TRDMT1: variants seen among roughly 807,000 people sequenced by gnomAD.
The protein encoded by TRDMT1 is tRNA aspartic acid methyltransferase 1.
In TRDMT1, 49 loss-of-function variants were observed where a neutral mutation model predicts 51.2. That is an observed-to-expected ratio of 0.96 (90% CI 0.76 to 1.21). The LOEUF (loss-of-function observed/expected upper bound fraction) is 1.21. TRDMT1 is among the 50% of genes most tolerant of loss of function. TRDMT1 has a pLI of 0.00. For synonymous variants in TRDMT1, 187 were observed against 164.6 expected (o/e 1.14, Z -1.04); for missense variants, 534 against 462.3 (o/e 1.16, Z -1.42).
chr10:17,150,592 T>C lies in TRDMT1; in HGVS notation c.1076-1452A>G, dbSNP rs1398077414. ...GCAGGATTCCACATTCAGCATACTCTAGCATAGCAAGGAAATAAAGGAAAA... is the reference window on the plus strand; with the variant it reads ...GCAGGATTCCACATTCAGCATACTCCAGCATAGCAAGGAAATAAAGGAAAA... On this transcript the variant is annotated intron_variant, in intron 10 of 10. Coordinates refer to ENST00000377799, the MANE Select transcript of TRDMT1 (RefSeq NM_004412.7). 1.7e-5 allele frequency: 17 copies of C among 985,096 alleles called. No individual in the cohort carries two copies. In the Admixed American group the frequency reaches 1.8e-4, roughly 11 times the overall value. 61.0% of individuals were successfully genotyped at this position (985,096 alleles called of 1,614,324 possible).
intron 1 of TRDMT1, among the ~76,000 whole-genome samples, chr10:17,194,949 C>CAAA (rs1157484978): frequency 3.5e-5 from 3 of 85,286 alleles, no homozygotes; most frequent in African/African-American, 7.4e-5. Context: ...AAAAAAAAGT[C>CAAA]AAAAAAAAAA....
At chr10:17,171,019 G>T (rs544970420) in intron 2 of TRDMT1, among the ~76,000 whole-genome samples, 5 of 151,808 alleles carry the variant, frequency 3.3e-5, no homozygotes, top group Non-Finnish European at 4.4e-5. Flanking sequence ...ACTATATCAA[G>T]TCATAGTGCT....
At chr10:17,192,560 T>G (rs557485676) in intron 1 of TRDMT1, among the ~76,000 whole-genome samples, 144 of 152,344 alleles carry the variant, frequency 9.5e-4, no homozygotes, top group African/African-American at 3.2e-3. Flanking sequence ...TAAGGAGCAC[T>G]GTTTTCACAA....
intron 2 of TRDMT1, among the ~76,000 whole-genome samples, chr10:17,170,526 A>C (rs1841819328): frequency 6.6e-6 from 1 of 152,160 alleles, no homozygotes; most frequent in Admixed American, 6.5e-5. Context: ...TGCCTGCCTT[A>C]TTGCCTATTT....
At chr10:17,188,240 C>G (rs185342348) in intron 1 of TRDMT1, among the ~76,000 whole-genome samples, 92 of 152,014 alleles carry the variant, frequency 6.1e-4, no homozygotes, top group African/African-American at 2.0e-3. Context: ...TCTTTAGGAT[C>G]TGTTATGAAT....
Position 17,148,154 on chromosome 10 carries a change from T to C in TRDMT1, c.*886A>G, listed in dbSNP as rs752198284. 40 of 985,334 alleles carry C rather than the reference T, an allele frequency of 4.1e-5. No homozygotes were observed. The highest frequency in any genetic ancestry group is 4.7e-5 in the Non-Finnish European group (39 of 829,938). The allele number at this position is 985,334 out of a possible 1,614,324, so 61.0% of individuals were successfully genotyped here. ...TGCTGAGGAAGAGAGACAGAGAAAG[T>C]TAAAAGTCATAAAAGTTCATTGAGA... On this transcript the variant is annotated 3_prime_UTR_variant, in exon 11 of 11. Transcript: ENST00000377799.
chr10:17,187,570 T>C (rs1339220487), intron 1 of TRDMT1, among the ~76,000 whole-genome samples: 1 of 151,992 alleles, frequency 6.6e-6, no homozygotes, highest in African/African-American at 2.4e-5. Flanking sequence ...TAGAACAAAA[T>C]GCAACAAAAA....
intron 4 of TRDMT1, 55 bp downstream of exon 4, chr10:17,162,111 C>T: frequency 6.8e-7 from 1 of 1,471,344 alleles, no homozygotes; most frequent in Non-Finnish European, 9.4e-7. Context: ...TCACATTCTT[C>T]CAGACCTGGA....
At position 17,142,813 on chromosome 10, in the gene TRDMT1, C is replaced by CTTGG. The variant is rs989953416; in HGVS notation, c.*6223_*6226dup. The CTTGG allele has an allele frequency of 2.0e-4, 46 of 235,494 alleles. No individual in the cohort carries two copies. The highest frequency in any genetic ancestry group is 1.0e-3 in the African/African-American group (45 of 43,022). The allele number at this position is 235,494 out of a possible 1,614,324, so 14.6% of individuals were successfully genotyped here. A position where few individuals can be genotyped will look rare whatever the true frequency, so the allele number is the denominator to read the frequency against. On this transcript the variant is annotated 3_prime_UTR_variant, in exon 11 of 11. Coordinates refer to ENST00000377799, the MANE Select transcript of TRDMT1 (RefSeq NM_004412.7). ...CTTGGAACCATGTTGTTCCTCTAGT[C>CTTGG]TTGGGGTCCCTCCGCAGTGTGTCTT... is the stretch of plus-strand genomic sequence containing the variant.
At chr10:17,194,656 GGCGTGATGGCTCATGCC>G (rs753065625) in intron 1 of TRDMT1, among the ~76,000 whole-genome samples, 83 of 152,256 alleles carry the variant, frequency 5.5e-4, no homozygotes, top group Non-Finnish European at 1.0e-3. Flanking sequence ...TAAAAAGCTA[GGCGTGATGGCTCATGCC>G]TGTAATCCCA....
chr10:17,191,929 A>G (rs1844739598), intron 1 of TRDMT1, among the ~76,000 whole-genome samples: 1 of 152,138 alleles, frequency 6.6e-6, no homozygotes, highest in Admixed American at 6.6e-5. Context: ...GAGTCCAGGT[A>G]CAGGGGTCGA....
chr10:17,192,826 G>A (rs1844877613), intron 1 of TRDMT1, among the ~76,000 whole-genome samples: 1 of 152,030 alleles, frequency 6.6e-6, no homozygotes, highest in Non-Finnish European at 1.5e-5. Context: ...CAAAAGATGT[G>A]GAAAAAGCTT....
intron 3 of TRDMT1, among the ~76,000 whole-genome samples, chr10:17,168,394 T>A (rs1841499019): frequency 6.6e-6 from 1 of 152,194 alleles, no homozygotes; most frequent in Admixed American, 6.5e-5. Context: ...ATGCAGCTAA[T>A]AAACTTCAGA....
chr10:17,185,705 C>T, intron 1 of TRDMT1, among the ~76,000 whole-genome samples: 1 of 152,174 alleles, frequency 6.6e-6, no homozygotes, highest in East Asian at 1.9e-4. Context: ...GGCACATATA[C>T]ACCACGGAAT....
chr10:17,193,348 G>C (rs563061168), intron 1 of TRDMT1, among the ~76,000 whole-genome samples: 1 of 151,840 alleles, frequency 6.6e-6, no homozygotes, highest in Admixed American at 6.6e-5. Context: ...GGGTGACAGA[G>C]TGAGAAGACG....
chr10:17,162,093 G>T, intron 4 of TRDMT1, 73 bp downstream of exon 4: 2 of 1,352,014 alleles, frequency 1.5e-6, no homozygotes, highest in South Asian at 2.5e-5. Context: ...TCTACAAAAT[G>T]ACAAACGTCA....
rs1837461077 is a variant in TRDMT1 at position 17,137,811 on chromosome 10, C to T, written c.*11229G>A. Among the ~76,000 whole-genome samples the T allele has an allele frequency of 6.9e-6, 1 of 144,004 alleles. No homozygotes were observed. Among genetic ancestry groups the T allele is most frequent in the Non-Finnish European group, 1.5e-5 (1 of 66,918 alleles). 94.5% of individuals were successfully genotyped at this position (144,004 alleles called of 152,430 possible). A position where few individuals can be genotyped will look rare whatever the true frequency, so the allele number is the denominator to read the frequency against. ...AGCCACTGCACTCCAGCCTGGGTGA[C>T]AGAGCGAAACTCTGCCAAAAAAAAA... On this transcript the variant is annotated 3_prime_UTR_variant, in exon 11 of 11. Transcript: ENST00000377799.
Position 17,147,472 on chromosome 10 carries a change from T to A in TRDMT1, c.*1568A>T, listed in dbSNP as rs369525369. On this transcript the variant is annotated 3_prime_UTR_variant, in exon 11 of 11. Transcript: ENST00000377799. Reference sequence around the variant, plus strand: ...GCAGTGGCATTAAGTACACTCACACTGTTGTGCAACCATCCTCCCCATCCA... The same window carrying A: ...GCAGTGGCATTAAGTACACTCACACAGTTGTGCAACCATCCTCCCCATCCA... 56 of 516,296 alleles carry A rather than the reference T, an allele frequency of 1.1e-4. 1 individual carries two copies. In the Middle Eastern group the frequency reaches 4.9e-3, roughly 46 times the overall value. The allele number at this position is 516,296 out of a possible 1,614,324, so 32.0% of individuals were successfully genotyped here.
intron 6 of TRDMT1, 122 bp downstream of exon 6, chr10:17,160,180 CTAT>C: frequency 1.9e-6 from 1 of 521,748 alleles, no homozygotes. Flanking sequence ...ATAATCTAAA[CTAT>C]TTTCAGTTTA....
Sources: gnomAD v4.1 joint callset for allele counts (sites outside exome capture counted in the v4.1 genomes callset) on GRCh38, gnomAD v4.1.1 for gene constraint, MANE v1.5 for transcripts, NCBI Gene and HGNC (gene_info 2026-07-23, HGNC 2026-07-21) for gene names.